Variants in FHIP1A observed in about 807,000 individuals in gnomAD.
FHIP1A encodes FHF complex subunit HOOK-interacting protein 1A.
Under a neutral mutation model 88.6 loss-of-function variants are expected in FHIP1A, and 61 were observed. That is an observed-to-expected ratio of 0.69 (90% CI 0.56 to 0.85). The LOEUF (loss-of-function observed/expected upper bound fraction) is 0.85, where lower values mean the gene tolerates loss of function less well. Among genes scored for constraint, FHIP1A ranks in the 40% least tolerant of loss-of-function variants. The probability of loss-of-function intolerance (pLI) is 0.00; values close to 1 mark genes in which losing one functional copy is unlikely to be tolerated. For missense variants in FHIP1A, 1,154 were observed against 1,273.5 expected (o/e 0.91, Z 1.43); for synonymous variants, 478 against 496.0 (o/e 0.96, Z 0.48).
chr4:151,582,205 CAAAT>C (rs1474077438), intron 5 of FHIP1A, among the ~76,000 whole-genome samples: 1 of 152,122 alleles, frequency 6.6e-6, no homozygotes, highest in Non-Finnish European at 1.5e-5. Flanking sequence ...CAAGTTGTAT[CAAAT>C]AGTCCCTACC....
Position 151,663,927 on chromosome 4 carries a change from T to G in FHIP1A, c.*1173T>G, listed in dbSNP as rs1464413650. Among the ~76,000 whole-genome samples the G allele has an allele frequency of 6.6e-6, 1 of 152,176 alleles. No individual in the cohort carries two copies. Among genetic ancestry groups the G allele is most frequent in the Non-Finnish European group, 1.5e-5 (1 of 68,026 alleles). On this transcript the variant is annotated 3_prime_UTR_variant, in exon 14 of 14. Transcript: ENST00000435205. ...CATTAGAAGGCCCCAACGTGCTGTA[T>G]GAGCGTCCCTCTGCTGCTTTGCAGC... is the stretch of plus-strand genomic sequence containing the variant.
intron 1 of FHIP1A, among the ~76,000 whole-genome samples, chr4:151,413,398 A>G (rs900142957): frequency 6.6e-6 from 1 of 152,220 alleles, no homozygotes; most frequent in Admixed American, 6.5e-5. Context: ...GTTTTTGGCT[A>G]TGTACCTTAT....
intron 13 of FHIP1A, among the ~76,000 whole-genome samples, chr4:151,659,539 T>G (rs925200417): frequency 3.9e-5 from 6 of 152,236 alleles, no homozygotes; most frequent in Non-Finnish European, 8.8e-5. Context: ...ATCTCTCTCC[T>G]CACTTCTGAA....
chr4:151,538,008 A>T (rs1245509298), intron 3 of FHIP1A, among the ~76,000 whole-genome samples: 1 of 152,156 alleles, frequency 6.6e-6, no homozygotes, highest in Non-Finnish European at 1.5e-5. Flanking sequence ...ACCAGGAAGG[A>T]TGGTGGTGAA....
chr4:151,508,536 C>T (rs1730911140), intron 3 of FHIP1A, among the ~76,000 whole-genome samples: 1 of 152,190 alleles, frequency 6.6e-6, no homozygotes, highest in Non-Finnish European at 1.5e-5. Flanking sequence ...AAAGAACAGG[C>T]TGCCTTCTTC....
At chr4:151,459,885 A>G (rs1729089892) in intron 2 of FHIP1A, among the ~76,000 whole-genome samples, 2 of 152,252 alleles carry the variant, frequency 1.3e-5, no homozygotes, top group Non-Finnish European at 2.9e-5. Context: ...AATGAGAAAG[A>G]CCTTTTGCAT....
At chr4:151,513,314 T>G (rs987204853) in intron 3 of FHIP1A, among the ~76,000 whole-genome samples, 44 of 152,196 alleles carry the variant, frequency 2.9e-4, no homozygotes, top group African/African-American at 5.8e-4. Flanking sequence ...ACTAAACATG[T>G]AAAGGAACAA....
intron 3 of FHIP1A, among the ~76,000 whole-genome samples, chr4:151,512,976 A>G (rs921666560): frequency 2.0e-5 from 3 of 151,998 alleles, no homozygotes; most frequent in African/African-American, 4.8e-5. Context: ...TCCTCGAGAA[A>G]AGCAACTCCA....
At chr4:151,493,090 C>T (rs575458028) in intron 3 of FHIP1A, among the ~76,000 whole-genome samples, 54 of 151,780 alleles carry the variant, frequency 3.6e-4, no homozygotes, top group African/African-American at 1.3e-3. Context: ...TTAGATTAAC[C>T]AAGAAAAGAA....
intron 2 of FHIP1A, among the ~76,000 whole-genome samples, chr4:151,471,108 T>TGCAA (rs750675094): frequency 2.3e-4 from 35 of 152,074 alleles, no homozygotes; most frequent in Admixed American, 3.9e-4. Context: ...GACAAGTGCT[T>TGCAA]GGTTCAGGAA....
At chr4:151,434,828 A>G (rs1404894853) in intron 1 of FHIP1A, among the ~76,000 whole-genome samples, 1 of 152,146 alleles carries the variant, frequency 6.6e-6, no homozygotes, top group Non-Finnish European at 1.5e-5. Context: ...GTCACTGGTT[A>G]GGTAAAAAGA....
intron 3 of FHIP1A, among the ~76,000 whole-genome samples, chr4:151,536,877 T>G (rs1462921443): frequency 6.6e-6 from 1 of 152,132 alleles, no homozygotes; most frequent in African/African-American, 2.4e-5. Flanking sequence ...TTTTTATTCT[T>G]TATTTTTTTG....
At chr4:151,465,562 T>C (rs1430284320) in intron 2 of FHIP1A, among the ~76,000 whole-genome samples, 7 of 152,150 alleles carry the variant, frequency 4.6e-5, no homozygotes, top group Non-Finnish European at 1.0e-4. Flanking sequence ...CTGGCAGAGA[T>C]ACAACAGCAA....
intron 7 of FHIP1A, among the ~76,000 whole-genome samples, 195 bp downstream of exon 7, chr4:151,589,121 T>C (rs1245174457): frequency 6.6e-6 from 1 of 152,206 alleles, no homozygotes; most frequent in African/African-American, 2.4e-5. Context: ...TCTGGTGTCA[T>C]AGAATACAGT....
chr4:151,463,938 T>TCCTA (rs1425541425), intron 2 of FHIP1A, among the ~76,000 whole-genome samples: 1 of 152,238 alleles, frequency 6.6e-6, no homozygotes, highest in Non-Finnish European at 1.5e-5. Flanking sequence ...ATATATGATA[T>TCCTA]CCAGATCTTC....
At chr4:151,459,576 A>G (rs1389441246) in intron 2 of FHIP1A, among the ~76,000 whole-genome samples, 1 of 152,188 alleles carries the variant, frequency 6.6e-6, no homozygotes, top group Non-Finnish European at 1.5e-5. Flanking sequence ...CTGTAATATC[A>G]TTTAAGAATT....
chr4:151,608,034 C>CTTTTTTTTTTTTTTTTTTTTTTTT (rs1735144757), intron 7 of FHIP1A, among the ~76,000 whole-genome samples: 1 of 97,042 alleles, frequency 1.0e-5, no homozygotes, highest in Non-Finnish European at 2.2e-5. Flanking sequence ...TTTCTTTCTT[C>CTTTTTTTTTTTTTTTTTTTTTTTT]TTCTTTTTTT....
chr4:151,489,083 C>T (rs931913115), intron 3 of FHIP1A, among the ~76,000 whole-genome samples: 2 of 152,136 alleles, frequency 1.3e-5, no homozygotes, highest in African/African-American at 4.8e-5. Context: ...AGCAGCTTAC[C>T]GCTGCAAACT....
intron 1 of FHIP1A, among the ~76,000 whole-genome samples, chr4:151,434,985 T>C (rs1733746523): frequency 6.6e-6 from 1 of 152,196 alleles, no homozygotes; most frequent in Admixed American, 6.5e-5. Context: ...AAAAAATTGA[T>C]ATGTAATAGT....
Sources: allele counts gnomAD v4.1 joint callset (sites outside exome capture counted in the v4.1 genomes callset), GRCh38; gene constraint gnomAD v4.1.1; transcripts MANE v1.5; gene names NCBI Gene and HGNC (gene_info 2026-07-23, HGNC 2026-07-21).